Variants in RALGPS1 observed in about 807,000 individuals in gnomAD.
RALGPS1 encodes ras-specific guanine nucleotide-releasing factor RalGPS1.
A neutral mutation model predicts 78.8 loss-of-function variants in RALGPS1; 19 were observed. That is an observed-to-expected ratio of 0.24 (90% CI 0.17 to 0.35). The LOEUF is 0.35. RALGPS1 is among the 10% of genes least tolerant of loss of function. The pLI, the probability that RALGPS1 is intolerant of heterozygous loss-of-function variation, is 1.00. For synonymous variants in RALGPS1, 228 were observed against 256.3 expected, an observed-to-expected ratio of 0.89 and a Z score of 1.06; for missense variants, 454 against 688.3, an observed-to-expected ratio of 0.66 and a Z score of 3.81.
intron 4 of RALGPS1, among the ~76,000 whole-genome samples, chr9:126,985,536 A>G (rs1020620455): frequency 1.3e-5 from 2 of 152,156 alleles, no homozygotes; most frequent in Non-Finnish European, 2.9e-5. Context: ...TACAGTGACA[A>G]TTTTGGTTCC....
In RALGPS1 at chr9:127,087,944, C is replaced by T. The variant is rs1164560684; in HGVS notation, c.610+18588C>T. 5.2e-5 allele frequency: 8 copies of T among 152,684 alleles called. No homozygotes were observed. The East Asian group carries it at 9.6e-4, about 18-fold the overall frequency. 9.5% of individuals were successfully genotyped at this position (152,684 alleles called of 1,614,324 possible). A position where few individuals can be genotyped will look rare whatever the true frequency, so the allele number is the denominator to read the frequency against. ...AGTATGAATGGAAGATACAAAACTG[C>T]GAGTACATTATCTATACGGCCGGTG... On this transcript the variant is annotated intron_variant, in intron 8 of 18. Coordinates refer to ENST00000259351, the MANE Select transcript of RALGPS1 (RefSeq NM_014636.3).
At chr9:127,114,567 G>A (rs1367400094) in intron 8 of RALGPS1, among the ~76,000 whole-genome samples, 1 of 152,236 alleles carries the variant, frequency 6.6e-6, no homozygotes, top group Non-Finnish European at 1.5e-5. Flanking sequence ...CCGGATCTCA[G>A]GAGTTGATTC....
chr9:127,062,450 A>G (rs753072080), intron 7 of RALGPS1, among the ~76,000 whole-genome samples: 1 of 152,206 alleles, frequency 6.6e-6, no homozygotes, highest in Non-Finnish European at 1.5e-5. Context: ...TATAAGATGA[A>G]TACTTGTCAA....
At chr9:127,190,392 C>G (rs968326073) in intron 11 of RALGPS1, among the ~76,000 whole-genome samples, 1 of 152,172 alleles carries the variant, frequency 6.6e-6, no homozygotes, top group African/African-American at 2.4e-5. Context: ...GGCATGATAT[C>G]AGCTTACTGC....
At chr9:127,003,191 A>G (rs908164855) in intron 4 of RALGPS1, among the ~76,000 whole-genome samples, 31 of 152,352 alleles carry the variant, frequency 2.0e-4, no homozygotes, top group African/African-American at 7.0e-4. Context: ...ACAAAAGCCA[A>G]AATTGACAAA....
At chr9:127,007,025 A>G (rs1365504536) in intron 4 of RALGPS1, among the ~76,000 whole-genome samples, 1 of 152,176 alleles carries the variant, frequency 6.6e-6, no homozygotes, top group East Asian at 1.9e-4. Flanking sequence ...AATTGTGTAC[A>G]ACATTTCTCA....
intron 3 of RALGPS1, among the ~76,000 whole-genome samples, chr9:126,974,532 A>AC (rs368752432): frequency 8.3e-5 from 12 of 144,684 alleles, no homozygotes; most frequent in Middle Eastern, 3.3e-3. Flanking sequence ...TATGCAAAAA[A>AC]CTTTTTTTTT....
intron 8 of RALGPS1, among the ~76,000 whole-genome samples, chr9:127,127,022 T>G (rs1202872217): frequency 6.6e-6 from 1 of 152,242 alleles, no homozygotes; most frequent in Admixed American, 6.5e-5. Context: ...TACTTTGCCT[T>G]CTGTTGTGCT....
At chr9:127,082,132 A>G (rs1366540423) in intron 8 of RALGPS1, among the ~76,000 whole-genome samples, 1 of 152,176 alleles carries the variant, frequency 6.6e-6, no homozygotes, top group African/African-American at 2.4e-5. Flanking sequence ...AGCCACCACT[A>G]CTGGAACCCA....
chr9:127,003,430 G>A (rs10760472), intron 4 of RALGPS1, among the ~76,000 whole-genome samples: 26,455 of 151,860 alleles, frequency 0.17, 3,085 homozygotes, highest in East Asian at 0.44. Context: ...AGACATTTAT[G>A]TAGCCAAAAA....
At chr9:127,111,952 A>T (rs1214628267) in intron 8 of RALGPS1, among the ~76,000 whole-genome samples, 1 of 152,266 alleles carries the variant, frequency 6.6e-6, no homozygotes, top group Non-Finnish European at 1.5e-5. Context: ...TGCTAAAATA[A>T]CAAGTATGAC....
intron 5 of RALGPS1, among the ~76,000 whole-genome samples, chr9:127,037,815 A>T (rs984158518): frequency 2.0e-5 from 3 of 152,172 alleles, no homozygotes; most frequent in Non-Finnish European, 1.5e-5. Flanking sequence ...CTTGTGGCCT[A>T]TCTTGTTTGT....
chr9:127,196,718 G>A, intron 13 of RALGPS1, 87 bp downstream of exon 13: 1 of 1,419,062 alleles, frequency 7.0e-7, no homozygotes. Context: ...ACTGTGCCAT[G>A]CCCAGTGGCG....
At chr9:127,085,532 A>T (rs575112290) in intron 8 of RALGPS1, among the ~76,000 whole-genome samples, 1 of 152,114 alleles carries the variant, frequency 6.6e-6, no homozygotes, top group African/African-American at 2.4e-5. Context: ...ACTGACCCCT[A>T]CCTTTCATTT....
At chr9:126,950,825 C>T (rs915199889) in intron 1 of RALGPS1, among the ~76,000 whole-genome samples, 2 of 146,356 alleles carry the variant, frequency 1.4e-5, no homozygotes, top group Admixed American at 6.8e-5. Flanking sequence ...CAGAGCAGAA[C>T]TGAAGGAAAT....
chr9:126,959,449 G>A (rs950590533), intron 1 of RALGPS1, among the ~76,000 whole-genome samples: 1 of 152,086 alleles, frequency 6.6e-6, no homozygotes, highest in Non-Finnish European at 1.5e-5. Context: ...GTGGTTCTTG[G>A]TGATGGCAAA....
At chr9:127,044,927 C>T (rs2047622107) in intron 5 of RALGPS1, among the ~76,000 whole-genome samples, 1 of 152,168 alleles carries the variant, frequency 6.6e-6, no homozygotes, top group Non-Finnish European at 1.5e-5. Flanking sequence ...TTCTTGCTAG[C>T]ATAAATCAAG....
chr9:126,945,833 C>T (rs184287716), intron 1 of RALGPS1, among the ~76,000 whole-genome samples: 1 of 152,322 alleles, frequency 6.6e-6, no homozygotes. Context: ...AGGTCGTTCC[C>T]TGGGGCAGAC....
intron 8 of RALGPS1, among the ~76,000 whole-genome samples, chr9:127,127,105 T>G (rs1336095856): frequency 6.6e-6 from 1 of 152,210 alleles, no homozygotes; most frequent in Non-Finnish European, 1.5e-5. Context: ...GTAGTAATTT[T>G]GGGGCTTTCT....
Sources: gnomAD v4.1 joint callset for allele counts (sites outside exome capture counted in the v4.1 genomes callset) on GRCh38, gnomAD v4.1.1 for gene constraint, MANE v1.5 for transcripts, NCBI Gene and HGNC (gene_info 2026-07-23, HGNC 2026-07-21) for gene names.